The following CCDC30 variants were observed in gnomAD, a reference collection of about 807,000 sequenced individuals.
CCDC30 encodes coiled-coil domain containing 30, also known as coiled-coil domain-containing protein 30.
In CCDC30, 70 loss-of-function variants were observed where a neutral mutation model predicts 100.2. That is an observed-to-expected ratio of 0.70 (90% CI 0.58 to 0.85). CCDC30 has a LOEUF of 0.85. Among genes scored for constraint, CCDC30 ranks in the 40% least tolerant of loss-of-function variants. The pLI, the probability that CCDC30 is intolerant of heterozygous loss-of-function variation, is 0.00. For missense variants in CCDC30, 652 were observed against 771.2 expected, an observed-to-expected ratio of 0.85 and a Z score of 1.83; for synonymous variants, 233 against 269.5, an observed-to-expected ratio of 0.86 and a Z score of 1.33.
intron 6 of CCDC30, among the ~76,000 whole-genome samples, chr1:42,530,253 C>T (rs747753079): frequency 8.5e-5 from 13 of 152,198 alleles, no homozygotes; most frequent in Non-Finnish European, 1.9e-4. Context: ...CTCACATCAT[C>T]TCAAGAAGGA....
At chr1:42,637,317 G>A (rs774841907) in exon 12 of CCDC30, 40 of 1,586,688 alleles carry the variant, frequency 2.5e-5, no homozygotes, top group Admixed American at 2.2e-4. Context: ...GTAGAACTAC[G>A]AGATAAGAGA....
In CCDC30 at chr1:42,596,003, GACA is replaced by G. The variant is rs1455308578; in HGVS notation, c.1164+6525_1164+6527del. On this transcript the variant is annotated intron_variant, in intron 10 of 16. Coordinates refer to ENST00000668663, the Ensembl canonical transcript of CCDC30. The surrounding 1 kb of genome is among the most constrained non-coding windows in gnomAD (Gnocchi z 4.3). ...AGCTTGGAAGTTGTCACTGTGTCCT[GACA>G]ACAAGTGAAATGCCAAACAAACTGA... Among the ~76,000 whole-genome samples, 1 of 152,152 alleles carries G rather than the reference GACA, an allele frequency of 6.6e-6. No homozygotes were observed. Among genetic ancestry groups the G allele is most frequent in the Non-Finnish European group, 1.5e-5 (1 of 68,012 alleles).
At chr1:42,576,232 G>T (rs548861322) in intron 7 of CCDC30, among the ~76,000 whole-genome samples, 1 of 152,352 alleles carries the variant, frequency 6.6e-6, no homozygotes, top group Non-Finnish European at 1.5e-5. Context: ...TGTAGCCCAG[G>T]CTAGAGATGA....
At chr1:42,581,093 A>G in intron 8 of CCDC30, 1 of 380,962 alleles carries the variant, frequency 2.6e-6, no homozygotes, top group Non-Finnish European at 4.9e-6. Flanking sequence ...CACCCAGCTC[A>G]GCCTCCCACA....
At chr1:42,608,686 CA>C (rs1646556168) in intron 10 of CCDC30, among the ~76,000 whole-genome samples, 3 of 127,530 alleles carry the variant, frequency 2.4e-5, no homozygotes, top group African/African-American at 9.5e-5. Context: ...GCCTGGGCGA[CA>C]GACAGAGCGC....
intron 6 of CCDC30, among the ~76,000 whole-genome samples, chr1:42,519,111 C>T (rs982493181): frequency 6.6e-6 from 1 of 152,146 alleles, no homozygotes; most frequent in Non-Finnish European, 1.5e-5. Context: ...TTGAACCATC[C>T]TTGCATTCCA....
At chr1:42,456,550 G>C in the CCDC30 span, 10 of 1,453,512 alleles carry the variant, frequency 6.9e-6, 1 homozygote, top group East Asian at 1.8e-4. Context: ...CGCAGGCGCC[G>C]GCCGCTGCGC....
Position 42,471,368 on chromosome 1 carries a change from C to A in CCDC30, c.-92+7470C>A, listed in dbSNP as rs184963532. Among the ~76,000 whole-genome samples the A allele has an allele frequency of 2.0e-5, 3 of 152,276 alleles. No individual in the cohort carries two copies. The East Asian group carries it at 5.8e-4, about 29-fold the overall frequency. On this transcript the variant is annotated intron_variant, in intron 1 of 16. Coordinates refer to ENST00000668663, the Ensembl canonical transcript of CCDC30. ...AGTACAGGACTTATAATAATTTAAG[C>A]ATTTATTTTCTAATTACCTCATCAG...
upstream of CCDC30, among the ~76,000 whole-genome samples, chr1:42,463,149 C>T (rs1004475590): frequency 2.0e-5 from 3 of 152,216 alleles, no homozygotes; most frequent in South Asian, 2.1e-4. Flanking sequence ...GACAACTCCG[C>T]CCCCGACCCG....
At chr1:42,572,659 C>T (rs961928557) in intron 7 of CCDC30, among the ~76,000 whole-genome samples, 1 of 152,190 alleles carries the variant, frequency 6.6e-6, no homozygotes, top group African/African-American at 2.4e-5. Flanking sequence ...CTCTGTCACA[C>T]AGCCTGGAGT....
intron 7 of CCDC30, chr1:42,571,265 A>G (rs183869022): frequency 1.3e-5 from 2 of 152,304 alleles, no homozygotes; most frequent in Admixed American, 1.3e-4. Flanking sequence ...CAATTTACCA[A>G]ATATTCCAGA....
intron 11 of CCDC30, among the ~76,000 whole-genome samples, chr1:42,625,788 G>A (rs1646921811): frequency 6.6e-6 from 1 of 151,966 alleles, no homozygotes; most frequent in African/African-American, 2.4e-5. Context: ...TTATCTTTGA[G>A]AATGATACAT....
rs1264455547 is a variant in CCDC30, at chr1:42,613,782, G to T, written c.1277+2692G>T. Among the ~76,000 whole-genome samples, 4 of 152,194 alleles carry T rather than the reference G, an allele frequency of 2.6e-5. No individual in the cohort carries two copies. In the South Asian group the frequency reaches 8.3e-4, roughly 32 times the overall value. ...GCCATATTGGTTTTGGCTGGTTTTG[G>T]CTGGCTTCTTTACTGTATTCTGTTT... On this transcript the variant is annotated intron_variant, in intron 11 of 16. Coordinates refer to ENST00000668663, the Ensembl canonical transcript of CCDC30.
At chr1:42,468,041 G>A (rs1643646744) in intron 1 of CCDC30, among the ~76,000 whole-genome samples, 1 of 152,212 alleles carries the variant, frequency 6.6e-6, no homozygotes, top group African/African-American at 2.4e-5. Flanking sequence ...GTTAATGGCT[G>A]TGTAGTTCTG....
At chr1:42,471,907 G>A (rs1185255064) in intron 1 of CCDC30, among the ~76,000 whole-genome samples, 2 of 152,158 alleles carry the variant, frequency 1.3e-5, no homozygotes, top group African/African-American at 4.8e-5. Flanking sequence ...AAGCAAAATA[G>A]TATATTTATG....
chr1:42,514,995 A>C lies in CCDC30; in HGVS notation c.456+16079A>C, dbSNP rs1644533892. ...TGTCCTGTACCCTGAAATATATTGA[A>C]GTCCTAACCCCCAGGACCTGTAAAT... is the stretch of plus-strand genomic sequence containing the variant. On this transcript the variant is annotated intron_variant, in intron 6 of 16. Transcript: ENST00000668663. 2.0e-5 allele frequency among the ~76,000 whole-genome samples: 3 copies of C among 152,186 alleles called. No homozygotes were observed. In the South Asian group the frequency reaches 6.2e-4, roughly 31 times the overall value.
Position 42,519,818 on chromosome 1 carries a change from G to A in CCDC30, c.456+20902G>A, listed in dbSNP as rs1003731931. On this transcript the variant is annotated intron_variant, in intron 6 of 16. Coordinates refer to ENST00000668663, the Ensembl canonical transcript of CCDC30. ...TTCGCCCACCTCAGCCTCCCAAAGT[G>A]CTGTGATTACAGGCGTGAGCCACCA... 2.6e-5 allele frequency among the ~76,000 whole-genome samples: 4 copies of A among 151,798 alleles called. No individual in the cohort carries two copies. The South Asian group carries it at 8.3e-4, about 32-fold the overall frequency.
chr1:42,459,909 ATAGG>A, upstream of CCDC30: 3 of 1,607,946 alleles, frequency 1.9e-6, no homozygotes, highest in Non-Finnish European at 2.6e-6. Flanking sequence ...CACAGCTTTT[ATAGG>A]TGACAGAAAC....
chr1:42,556,447 C>G, intron 6 of CCDC30, 42 bp downstream of exon 10: 3 of 1,536,096 alleles, frequency 2.0e-6, no homozygotes, highest in Non-Finnish European at 2.6e-6. Context: ...TTCGTTTCCT[C>G]TGATTGGCTG....
Sources: allele counts gnomAD v4.1 joint callset (sites outside exome capture counted in the v4.1 genomes callset), GRCh38; gene constraint gnomAD v4.1.1; non-coding constraint Gnocchi (gnomAD v3.1); transcripts MANE v1.5; gene names NCBI Gene and HGNC (gene_info 2026-07-23, HGNC 2026-07-21).